Variants in TNFAIP3 observed in about 807,000 individuals in gnomAD.
TNFAIP3 encodes tumor necrosis factor alpha-induced protein 3.
TNFAIP3 carries 9 observed loss-of-function variants against 72.4 expected under a neutral mutation model. The observed-to-expected ratio is 0.12, with a 90% CI of 0.07 to 0.22. The LOEUF is 0.22. TNFAIP3 is among the 10% of genes least tolerant of loss of function. The pLI, the probability that TNFAIP3 is intolerant of heterozygous loss-of-function variation, is 1.00. For missense variants in TNFAIP3, 833 were observed against 1,018.7 expected (o/e 0.82, Z 2.48); for synonymous variants, 339 against 372.6 (o/e 0.91, Z 1.04).
Position 137,878,947 on chromosome 6 carries a change from C to A in TNFAIP3, c.1502C>A (p.Ala501Asp), listed in dbSNP as rs1042443197. The change falls in exon 7 of 9, where the codon GCC becomes GAC. Residue 501 changes from alanine (A) to aspartate (D), a missense_variant. This residue lies in a region of TNFAIP3 where 587 missense variants were observed against 657.8 expected (regional missense o/e 0.89). Transcript: ENST00000612899. The stretch of plus-strand genomic sequence containing the variant: ...GGATTTTGTGAACGTTGCCACAACG[C>A]CCGGCAACTTCACGCCAGCCACGCC... ...HNGFCERCHNARQLHASHAPD... is the reference protein window; with the variant it reads ...HNGFCERCHNDRQLHASHAPD... 2.5e-6 allele frequency: 4 copies of A among 1,614,108 alleles called. No individual in the cohort carries two copies. Among genetic ancestry groups the A allele is most frequent in the Admixed American group, 1.7e-5 (1 of 60,010 alleles).
intron 7 of TNFAIP3, among the ~76,000 whole-genome samples, chr6:137,879,835 AGC>A (rs1776388177): frequency 6.6e-6 from 1 of 152,222 alleles, no homozygotes; most frequent in Non-Finnish European, 1.5e-5. Context: ...TGTTCCTGTG[AGC>A]AATCAGTGCT....
chr6:137,879,314 T>C lies in TNFAIP3; in HGVS notation c.1869T>C (p.Phe623=). The change falls in exon 7 of 9, where the codon TTT becomes TTC. Residue 623 remains phenylalanine, a synonymous_variant. Coordinates refer to ENST00000612899, the MANE Select transcript of TNFAIP3 (RefSeq NM_001270508.2). Reference sequence around the variant, plus strand: ...TTGGGACTCCAGAAAACAAGGGCTTTTGCACACTGTGTTTCATCGAGTACA... The same window carrying C: ...TTGGGACTCCAGAAAACAAGGGCTTCTGCACACTGTGTTTCATCGAGTACA... The part of the protein sequence containing the change: ...VYFGTPENKG[F]CTLCFIEYRE... 6.2e-7 allele frequency: 1 copy of C among 1,614,092 alleles called. No homozygotes were observed. The highest frequency in any genetic ancestry group is 8.5e-7 in the Non-Finnish European group (1 of 1,180,002).
Position 137,867,423 on chromosome 6 carries a change from C to A in TNFAIP3, c.-135C>A, listed in dbSNP as rs999372570. ...CGCCTCCGCCCGGTCCCTGCCCCGA[C>A]CCCCGCCTGCGGCGCGCTCCTGCCT... is the stretch of plus-strand genomic sequence containing the variant. On this transcript the variant is annotated 5_prime_UTR_variant, in exon 1 of 9. Coordinates refer to ENST00000612899, the MANE Select transcript of TNFAIP3 (RefSeq NM_001270508.2). The surrounding 1 kb of genome is among the most constrained non-coding windows in gnomAD (Gnocchi z 6.0). The A allele has an allele frequency of 2.0e-5, 3 of 152,612 alleles. No homozygotes were observed. The highest frequency in any genetic ancestry group is 7.2e-5 in the African/African-American group (3 of 41,450). The allele number at this position is 152,612 out of a possible 1,614,324, so 9.5% of individuals were successfully genotyped here.
chr6:137,880,334 C>CT, intron 8 of TNFAIP3, 82 bp downstream of exon 8: 1 of 1,447,594 alleles, frequency 6.9e-7, no homozygotes, highest in Non-Finnish European at 9.6e-7. Context: ...CAGTGACAAG[C>CT]AGGCTTTCCT....
At position 137,881,303 on chromosome 6, in the gene TNFAIP3, A is replaced by C. The variant is rs780619781; in HGVS notation, c.2357A>C (p.Lys786Thr). 8 of 1,549,854 alleles carry C rather than the reference A, an allele frequency of 5.2e-6. No individual in the cohort carries two copies. Among genetic ancestry groups the C allele is most frequent in the Non-Finnish European group, 7.0e-6 (8 of 1,149,160 alleles). Reference sequence around the variant, plus strand: ...TACTGCAACGAATGCTTTCAGTTCAAGCAGATGTATGGCTAACCGGAAACA... The same window carrying C: ...TACTGCAACGAATGCTTTCAGTTCACGCAGATGTATGGCTAACCGGAAACA... ...NGYCNECFQF[K>T]QMYG The change falls in exon 9 of 9, where the codon AAG becomes ACG. Residue 786 changes from lysine (K) to threonine (T), a missense_variant. Around this residue, in one of 2 missense-constraint regions of TNFAIP3, gnomAD observed 587 missense variants for 657.8 expected, o/e 0.89. Coordinates refer to ENST00000612899, the MANE Select transcript of TNFAIP3 (RefSeq NM_001270508.2). This position sits in a 1 kb window ranked among gnomAD's most constrained non-coding sequence, Gnocchi z 5.0.
At chr6:137,876,503 T>G (rs1241383543) in intron 5 of TNFAIP3, among the ~76,000 whole-genome samples, 1 of 152,182 alleles carries the variant, frequency 6.6e-6, no homozygotes, top group Non-Finnish European at 1.5e-5. Context: ...TGGAGTGCAG[T>G]GGCACAATCA....
In TNFAIP3 at chr6:137,882,911, G is replaced by T; in HGVS notation, c.*1592G>T. On this transcript the variant is annotated 3_prime_UTR_variant, in exon 9 of 9. Coordinates refer to ENST00000612899, the MANE Select transcript of TNFAIP3 (RefSeq NM_001270508.2). The stretch of plus-strand genomic sequence containing the variant: ...AAATGCATTTTCCCCAGAGATAAAG[G>T]CTGCCATTTTGGGGGTCTGTACTTA... 1 of 226,704 alleles carries T rather than the reference G, an allele frequency of 4.4e-6. No homozygotes were observed. Among genetic ancestry groups the T allele is most frequent in the Non-Finnish European group, 8.7e-6 (1 of 114,534 alleles). The allele number at this position is 226,704 out of a possible 1,614,324, so 14.0% of individuals were successfully genotyped here. A position where few individuals can be genotyped will look rare whatever the true frequency, so the allele number is the denominator to read the frequency against.
In TNFAIP3 at chr6:137,876,187, C is replaced by T. The variant is rs773610809; in HGVS notation, c.805+21C>T. ...GCCTGGTGAGAAAACTGCATTAATT[C>T]ACATCTATAACTAGACACTGAAACA... On this transcript the variant is annotated intron_variant, in intron 5 of 8. Transcript: ENST00000612899. 5 of 1,599,148 alleles carry T rather than the reference C, an allele frequency of 3.1e-6. No homozygotes were observed. In the South Asian group the frequency reaches 4.5e-5, roughly 14 times the overall value.
intron 5 of TNFAIP3, 96 bp downstream of exon 5, chr6:137,876,262 T>C: frequency 1.0e-6 from 1 of 1,003,758 alleles, no homozygotes; most frequent in Admixed American, 2.6e-5. Flanking sequence ...TTTAAGTATA[T>C]TATTTTTATT....
In TNFAIP3 at chr6:137,878,644, C is replaced by T. The variant is rs1776330212; in HGVS notation, c.1199C>T (p.Thr400Ile). The T allele has an allele frequency of 1.2e-6, 2 of 1,614,230 alleles. No homozygotes were observed. Among genetic ancestry groups the T allele is most frequent in the Non-Finnish European group, 1.7e-6 (2 of 1,180,048 alleles). The change falls in exon 7 of 9, where the codon ACC becomes ATC. Residue 400 changes from threonine (T) to isoleucine (I), a missense_variant. By Grantham distance (89) the Thr-to-Ile change is moderately conservative. Coordinates refer to ENST00000612899, the MANE Select transcript of TNFAIP3 (RefSeq NM_001270508.2). ...PNCPFFMSVN[T>I]QPLCHECSER... Reference sequence around the variant, plus strand: ...TGCCCCTTCTTCATGTCTGTGAACACCCAGCCTTTATGCCATGAGTGCTCA... The same window carrying T: ...TGCCCCTTCTTCATGTCTGTGAACATCCAGCCTTTATGCCATGAGTGCTCA...
chr6:137,882,847 T>G lies in TNFAIP3; in HGVS notation c.*1528T>G, dbSNP rs1166913723. ...GTTTCTCTGTGTGCTTTGTGGTTGC[T>G]GTCATATTTGCTCTAGAAGAAAAAA... On this transcript the variant is annotated 3_prime_UTR_variant, in exon 9 of 9. Transcript: ENST00000612899. 3 of 229,120 alleles carry G rather than the reference T, an allele frequency of 1.3e-5. No homozygotes were observed. The highest frequency in any genetic ancestry group is 6.7e-5 in the African/African-American group (3 of 44,886). The allele number at this position is 229,120 out of a possible 1,614,324, so 14.2% of individuals were successfully genotyped here.
rs929458947 is a variant in TNFAIP3 at position 137,881,648 on chromosome 6, C to T, written c.*329C>T. ...GGGGACTGGCCGAGGCCCCTGCACC[C>T]TGCGCATCAGGACTGCTTCATCGTC... is the stretch of plus-strand genomic sequence containing the variant. On this transcript the variant is annotated 3_prime_UTR_variant, in exon 9 of 9. Transcript: ENST00000612899. The surrounding 1 kb of genome is among the most constrained non-coding windows in gnomAD (Gnocchi z 5.0). 2.9e-5 allele frequency: 9 copies of T among 305,462 alleles called. No individual in the cohort carries two copies. The highest frequency in any genetic ancestry group is 1.1e-4 in the African/African-American group (5 of 47,346). The allele number at this position is 305,462 out of a possible 1,614,324, so 18.9% of individuals were successfully genotyped here.
chr6:137,871,633 T>C lies in TNFAIP3; in HGVS notation c.295+111T>C. On this transcript the variant is annotated intron_variant, in intron 2 of 8. Coordinates refer to ENST00000612899, the MANE Select transcript of TNFAIP3 (RefSeq NM_001270508.2). The surrounding 1 kb of genome is among the most constrained non-coding windows in gnomAD (Gnocchi z 4.2). ...GCCCAAACTCAAATCAATCTTGAGA[T>C]TTAGTATTGAGACCTTTATATAGAA... 8.1e-7 allele frequency: 1 copy of C among 1,237,702 alleles called. No individual in the cohort carries two copies. The highest frequency in any genetic ancestry group is 1.1e-6 in the Non-Finnish European group (1 of 890,436). The allele number at this position is 1,237,702 out of a possible 1,614,324, so 76.7% of individuals were successfully genotyped here.
intron 3 of TNFAIP3, 77 bp from the exon 4 acceptor site, chr6:137,875,611 G>A: frequency 6.7e-7 from 1 of 1,498,548 alleles, no homozygotes; most frequent in Non-Finnish European, 9.1e-7. Flanking sequence ...AATAATTGTA[G>A]AGTGATGTCA....
rs1776497544 is a variant in TNFAIP3, at chr6:137,882,538, T to C, written c.*1219T>C. 8.6e-6 allele frequency: 2 copies of C among 232,414 alleles called. No individual in the cohort carries two copies. Among genetic ancestry groups the C allele is most frequent in the Non-Finnish European group, 1.7e-5 (2 of 117,492 alleles). The allele number at this position is 232,414 out of a possible 1,614,324, so 14.4% of individuals were successfully genotyped here. On this transcript the variant is annotated 3_prime_UTR_variant, in exon 9 of 9. Coordinates refer to ENST00000612899, the MANE Select transcript of TNFAIP3 (RefSeq NM_001270508.2). ...ATACATATTCATCGATGTTTCGTGC[T>C]TCTCCTTATGAAACTCCAGCTATGT...
chr6:137,868,807 G>A (rs987378876), intron 1 of TNFAIP3, among the ~76,000 whole-genome samples: 7 of 152,128 alleles, frequency 4.6e-5, no homozygotes, highest in Non-Finnish European at 8.8e-5. Context: ...CTGGAAATCT[G>A]GGCAGTGGGT....
chr6:137,866,666 AG>A (rs1775844362), upstream of TNFAIP3: 1 of 152,246 alleles, frequency 6.6e-6, no homozygotes, highest in South Asian at 2.1e-4. Context: ...GGAACAATGG[AG>A]ATGGGGACCA....
At chr6:137,878,323 A>G (rs1385283940) in intron 6 of TNFAIP3, 109 bp from the exon 7 acceptor site, 2 of 984,374 alleles carry the variant, frequency 2.0e-6, no homozygotes, top group Admixed American at 2.8e-5. Context: ...TGGTTCTACA[A>G]TTCTTGCCAT....
intron 2 of TNFAIP3, among the ~76,000 whole-genome samples, chr6:137,874,095 TTTTG>T (rs1776149778): frequency 6.6e-6 from 1 of 152,222 alleles, no homozygotes; most frequent in Admixed American, 6.5e-5. Context: ...AAACCTGTTT[TTTTG>T]TTTGTTTTTC....
Sources: gnomAD v4.1 joint callset for allele counts (sites outside exome capture counted in the v4.1 genomes callset) on GRCh38, gnomAD v4.1.1 for gene constraint, gnomAD v4.1.1 regional missense constraint, Gnocchi (gnomAD v3.1) non-coding constraint, MANE v1.5 for transcripts, NCBI Gene and HGNC (gene_info 2026-07-23, HGNC 2026-07-21) for gene names.